The following SPMIP4 variants were observed in gnomAD, a reference collection of about 807,000 sequenced individuals.
SPMIP4 encodes sperm-associated microtubule inner protein 4.
At chr7:25,180,343 G>C in the SPMIP4 span, 1 of 152,382 alleles carries the variant, frequency 6.6e-6, no homozygotes, top group Non-Finnish European at 1.5e-5. Context: ...GGTCGGAGGC[G>C]AGAGGGGCTC....
the SPMIP4 span, among the ~76,000 whole-genome samples, chr7:25,165,319 G>A: frequency 5.9e-5 from 9 of 152,166 alleles, no homozygotes; most frequent in Non-Finnish European, 1.3e-4. Context: ...CATAGGTATA[G>A]AATATTGGGA....
At chr7:25,165,856 C>T in the SPMIP4 span, among the ~76,000 whole-genome samples, 1 of 152,186 alleles carries the variant, frequency 6.6e-6, no homozygotes, top group South Asian at 2.1e-4. Flanking sequence ...AGTGACAGTC[C>T]ACTGGCACTC....
At chr7:25,144,624 G>T in the SPMIP4 span, among the ~76,000 whole-genome samples, 1 of 152,204 alleles carries the variant, frequency 6.6e-6, no homozygotes. Context: ...TCAAGATCAT[G>T]GTCAGGGGAG....
At chr7:25,173,237 T>C in the SPMIP4 span, among the ~76,000 whole-genome samples, 1 of 152,248 alleles carries the variant, frequency 6.6e-6, no homozygotes, top group East Asian at 1.9e-4. This position sits in a 1 kb window ranked among gnomAD's most constrained non-coding sequence, Gnocchi z 4.4. Flanking sequence ...CTGTAATAAT[T>C]GTTGAATAGA....
the SPMIP4 span, chr7:25,179,919 C>A: frequency 1.1e-4 from 17 of 152,468 alleles, no homozygotes; most frequent in African/African-American, 4.1e-4. Context: ...CGAGGCCGAG[C>A]CTCACGGGCT....
the SPMIP4 span, among the ~76,000 whole-genome samples, chr7:25,138,419 T>G: frequency 6.6e-4 from 101 of 152,328 alleles, no homozygotes; most frequent in African/African-American, 2.2e-3. The surrounding 1 kb of genome is among the most constrained non-coding windows in gnomAD (Gnocchi z 6.2). Flanking sequence ...TTTGTGAAGA[T>G]AGAGTCTTGT....
chr7:25,178,719 G>A, the SPMIP4 span, among the ~76,000 whole-genome samples: 1 of 152,122 alleles, frequency 6.6e-6, no homozygotes, highest in Admixed American at 6.5e-5. Flanking sequence ...TAATTGCCAC[G>A]TTTTGCCTTC....
At chr7:25,158,036 A>T in the SPMIP4 span, among the ~76,000 whole-genome samples, 3 of 152,212 alleles carry the variant, frequency 2.0e-5, no homozygotes, top group African/African-American at 7.2e-5. Flanking sequence ...AAGTAATGTT[A>T]CCCTGGACTT....
chr7:25,159,160 A>AC, the SPMIP4 span, among the ~76,000 whole-genome samples: 1 of 152,212 alleles, frequency 6.6e-6, no homozygotes, highest in African/African-American at 2.4e-5. Context: ...AGGAAGCCTG[A>AC]CGTTATACAT....
chr7:25,127,162 G>A, the SPMIP4 span, among the ~76,000 whole-genome samples: 1 of 152,120 alleles, frequency 6.6e-6, no homozygotes, highest in African/African-American at 2.4e-5. Flanking sequence ...GTTTTGGGGT[G>A]TCTTCGTTGG....
the SPMIP4 span, among the ~76,000 whole-genome samples, chr7:25,149,549 G>T: frequency 9.9e-5 from 15 of 152,212 alleles, no homozygotes; most frequent in East Asian, 2.7e-3. Flanking sequence ...TCAGAAATAA[G>T]AAATAAATAA....
chr7:25,178,793 C>A, the SPMIP4 span, among the ~76,000 whole-genome samples: 2 of 152,144 alleles, frequency 1.3e-5, no homozygotes, highest in South Asian at 4.1e-4. Flanking sequence ...AATCCCAGCA[C>A]TTTGGGAGGC....
chr7:25,155,286 T>C, the SPMIP4 span: 1 of 1,139,910 alleles, frequency 8.8e-7, no homozygotes, highest in Non-Finnish European at 1.2e-6. Flanking sequence ...GGACCCTTTT[T>C]TAAATGGCAG....
the SPMIP4 span, among the ~76,000 whole-genome samples, chr7:25,146,239 C>T: frequency 2.6e-5 from 4 of 152,116 alleles, no homozygotes; most frequent in South Asian, 2.1e-4. Context: ...GAAAGAGAGA[C>T]GGCTGAAGGG....
chr7:25,179,231 AG>A, the SPMIP4 span: 1 of 1,613,662 alleles, frequency 6.2e-7, no homozygotes, highest in Non-Finnish European at 8.5e-7. Context: ...GCAATTCATT[AG>A]AGTAAAAGGT....
chr7:25,140,580 G>T, the SPMIP4 span, among the ~76,000 whole-genome samples: 1 of 151,598 alleles, frequency 6.6e-6, no homozygotes, highest in Non-Finnish European at 1.5e-5. Context: ...GGGATTATAG[G>T]CAAGAGCCAC....
the SPMIP4 span, among the ~76,000 whole-genome samples, chr7:25,165,567 C>G: frequency 3.3e-5 from 5 of 152,320 alleles, no homozygotes; most frequent in African/African-American, 1.2e-4. Flanking sequence ...ATTCTCCTGC[C>G]TCAGCCTCCT....
the SPMIP4 span, among the ~76,000 whole-genome samples, chr7:25,146,941 G>A: frequency 6.6e-6 from 1 of 152,162 alleles, no homozygotes; most frequent in Admixed American, 6.5e-5. Flanking sequence ...TTGAGAAACA[G>A]GACAAAAGCC....
chr7:25,156,667 G>A, the SPMIP4 span, among the ~76,000 whole-genome samples: 1 of 152,132 alleles, frequency 6.6e-6, no homozygotes, highest in African/African-American at 2.4e-5. Flanking sequence ...AAAGGAGTCA[G>A]GGTTTCTGGG....
Sources: gnomAD v4.1 joint callset for allele counts (sites outside exome capture counted in the v4.1 genomes callset) on GRCh38, gnomAD v4.1.1 for gene constraint, Gnocchi (gnomAD v3.1) non-coding constraint, MANE v1.5 for transcripts, NCBI Gene and HGNC (gene_info 2026-07-23, HGNC 2026-07-21) for gene names.